PATJ: variants seen among roughly 807,000 people sequenced by gnomAD.
PATJ encodes PATJ crumbs cell polarity complex component, also known as inaD-like protein.
A neutral mutation model predicts 224.9 loss-of-function variants in PATJ; 190 were observed. The observed-to-expected ratio is 0.84, with a 90% confidence interval of 0.75 to 0.95. The LOEUF is 0.95. Ranked by LOEUF, PATJ falls within the 40% of genes least tolerant of loss-of-function variation. The pLI, the probability that PATJ is intolerant of heterozygous loss-of-function variation, is 0.00. For synonymous variants in PATJ, 769 were observed against 820.3 expected (o/e 0.94, Z 1.07); for missense variants, 2,121 against 2,270.3 (o/e 0.93, Z 1.34).
Position 61,777,724 on chromosome 1 carries a change from T to TTTTTTTTTTTTTTTTTTTTTTTTC in PATJ, c.849+2393_849+2394insTTTTTTTTTTTTTTTTTTTTCTTT, listed in dbSNP as rs765662896. 2.5e-4 allele frequency among the ~76,000 whole-genome samples: 27 copies of TTTTTTTTTTTTTTTTTTTTTTTTC among 106,040 alleles called. 1 individual carries two copies. Among genetic ancestry groups the TTTTTTTTTTTTTTTTTTTTTTTTC allele is most frequent in the African/African-American group, 9.0e-4 (24 of 26,698 alleles). The allele number at this position is 106,040 out of a possible 152,430, so 69.6% of individuals were successfully genotyped here. A position where few individuals can be genotyped will look rare whatever the true frequency, so the allele number is the denominator to read the frequency against. ...CTTTCTTTTTTTTTTTTTTTTTTTT[T>TTTTTTTTTTTTTTTTTTTTTTTTC]TTTAGCATAGTCTTGCTCTTTTGCC... On this transcript the variant is annotated intron_variant, in intron 7 of 43. Coordinates refer to ENST00000642238, the MANE Select transcript of PATJ (RefSeq NM_001350145.3).
chr1:62,086,816 G>A lies in PATJ; in HGVS notation c.4377+2168G>A, dbSNP rs1441600890. On this transcript the variant is annotated intron_variant, in intron 33 of 43. Coordinates refer to ENST00000642238, the MANE Select transcript of PATJ (RefSeq NM_001350145.3). This position sits in a 1 kb window ranked among gnomAD's most constrained non-coding sequence, Gnocchi z 4.0. ...CTCGCTCAGCCTGTTGTAGGATGGA[G>A]TTCATGAGAGAGCGAGTGCAGGACC... 1.3e-5 allele frequency among the ~76,000 whole-genome samples: 2 copies of A among 152,192 alleles called. No homozygotes were observed. Among genetic ancestry groups the A allele is most frequent in the African/African-American group, 2.4e-5 (1 of 41,448 alleles).
chr1:61,754,341 C>G (rs760183686), intron 1 of PATJ, among the ~76,000 whole-genome samples: 1 of 151,998 alleles, frequency 6.6e-6, no homozygotes, highest in Non-Finnish European at 1.5e-5. Flanking sequence ...AGCCTGAGTG[C>G]TGTTTGATGG....
At chr1:61,913,002 A>G (rs1473181267) in intron 25 of PATJ, among the ~76,000 whole-genome samples, 2 of 152,170 alleles carry the variant, frequency 1.3e-5, no homozygotes, top group African/African-American at 4.8e-5. Context: ...GTGCCTCTTC[A>G]CATAGCACTG....
At chr1:62,006,726 A>G (rs1646116549) in intron 28 of PATJ, among the ~76,000 whole-genome samples, 1 of 149,722 alleles carries the variant, frequency 6.7e-6, no homozygotes. Context: ...AGTTGAAACC[A>G]GTCTATAAGG....
chr1:61,921,213 A>T (rs1481864607), intron 26 of PATJ, among the ~76,000 whole-genome samples: 1 of 152,158 alleles, frequency 6.6e-6, no homozygotes, highest in African/African-American at 2.4e-5. Flanking sequence ...AGACATATAC[A>T]TGGGGGCCAG....
chr1:61,944,664 C>G (rs1184591223), intron 27 of PATJ, among the ~76,000 whole-genome samples: 1 of 152,144 alleles, frequency 6.6e-6, no homozygotes, highest in Non-Finnish European at 1.5e-5. Flanking sequence ...AGGATATTAT[C>G]CAGGAGAACT....
intron 27 of PATJ, among the ~76,000 whole-genome samples, chr1:61,967,474 T>C (rs1557960100): frequency 6.6e-6 from 1 of 152,200 alleles, no homozygotes; most frequent in African/African-American, 2.4e-5. Flanking sequence ...GAAAAAAAGA[T>C]AAGAGTGCTA....
At chr1:61,861,859 T>TTCTC in intron 19 of PATJ, among the ~76,000 whole-genome samples, 192 bp downstream of exon 19, 1 of 151,492 alleles carries the variant, frequency 6.6e-6, no homozygotes, top group East Asian at 1.9e-4. Context: ...TAATCCTCCT[T>TTCTC]TCTCTCTCTC....
At chr1:61,858,100 C>G (rs1186575576) in intron 18 of PATJ, among the ~76,000 whole-genome samples, 1 of 152,130 alleles carries the variant, frequency 6.6e-6, no homozygotes, top group African/African-American at 2.4e-5. Flanking sequence ...GTTTAATTAG[C>G]TCACAGTTCT....
intron 20 of PATJ, among the ~76,000 whole-genome samples, chr1:61,874,630 G>T (rs1011445274): frequency 6.6e-6 from 1 of 152,202 alleles, no homozygotes; most frequent in African/African-American, 2.4e-5. Context: ...ATATGAATTT[G>T]CAGGGTCAGG....
At chr1:62,148,980 T>C (rs1668353921) in intron 42 of PATJ, among the ~76,000 whole-genome samples, 1 of 151,692 alleles carries the variant, frequency 6.6e-6, no homozygotes. Context: ...TACAAAAAAT[T>C]AGCCAGGCGT....
intron 15 of PATJ, among the ~76,000 whole-genome samples, chr1:61,824,016 C>T (rs1460572274): frequency 6.6e-6 from 1 of 152,094 alleles, no homozygotes; most frequent in Non-Finnish European, 1.5e-5. Context: ...TATTAGGTTT[C>T]TTATTGCAGA....
chr1:61,781,479 T>C (rs571950357), intron 7 of PATJ, among the ~76,000 whole-genome samples: 1 of 152,346 alleles, frequency 6.6e-6, no homozygotes, highest in Non-Finnish European at 1.5e-5. Context: ...ATGAAATGAC[T>C]TAAGCTGCAG....
intron 27 of PATJ, among the ~76,000 whole-genome samples, chr1:61,936,432 C>CAAAAAA (rs11455787): frequency 2.2e-5 from 2 of 92,708 alleles, no homozygotes; most frequent in African/African-American, 4.5e-5. Context: ...CTTCCAAGAC[C>CAAAAAA]AAAAAAAAAA....
chr1:61,773,805 CA>C (rs887787290), intron 6 of PATJ, among the ~76,000 whole-genome samples: 10 of 146,002 alleles, frequency 6.8e-5, no homozygotes, highest in East Asian at 2.1e-4. Flanking sequence ...AAACAAAAAA[CA>C]AAAAAAAACA....
At chr1:62,092,960 C>G (rs1660964663) in intron 33 of PATJ, among the ~76,000 whole-genome samples, 1 of 151,954 alleles carries the variant, frequency 6.6e-6, no homozygotes, top group Non-Finnish European at 1.5e-5. Context: ...CCAGGCTAGT[C>G]TCAAACTCCT....
intron 28 of PATJ, among the ~76,000 whole-genome samples, chr1:61,992,117 C>CTT (rs138874624): frequency 0.03 from 4,114 of 136,186 alleles, 201 homozygotes; most frequent in African/African-American, 0.1. Context: ...CTGTGGGATT[C>CTT]TTTTTTTTTT....
intron 6 of PATJ, 92 bp downstream of exon 6, chr1:61,771,718 T>C (rs1183908354): frequency 3.0e-6 from 3 of 985,848 alleles, no homozygotes; most frequent in Non-Finnish European, 4.3e-6. Flanking sequence ...ATTTTACCTT[T>C]CTTTCCTTTT....
chr1:61,806,020 G>C (rs1192296354), intron 13 of PATJ, among the ~76,000 whole-genome samples: 2 of 152,200 alleles, frequency 1.3e-5, no homozygotes, highest in Middle Eastern at 3.2e-3. Flanking sequence ...TTTAGGTTAG[G>C]TATAAGTTTA....
Sources: allele counts gnomAD v4.1 joint callset (sites outside exome capture counted in the v4.1 genomes callset), GRCh38; gene constraint gnomAD v4.1.1; non-coding constraint Gnocchi (gnomAD v3.1); transcripts MANE v1.5; gene names NCBI Gene and HGNC (gene_info 2026-07-23, HGNC 2026-07-21).